GLE1: variants seen among roughly 807,000 people sequenced by gnomAD.
The protein encoded by GLE1 is mRNA export factor GLE1.
Under a neutral mutation model 97.3 loss-of-function variants are expected in GLE1, and 78 were observed. The ratio of observed to expected loss-of-function variants is 0.80; its 90% CI spans 0.67 to 0.97. The LOEUF is 0.97. Ranked by LOEUF, GLE1 falls within the 50% of genes least tolerant of loss-of-function variation. The pLI is 0.00. For synonymous variants in GLE1, 302 were observed against 313.4 expected (o/e 0.96, Z 0.39); for missense variants, 753 against 857.5 (o/e 0.88, Z 1.52).
chr9:128,540,735 A>G, intron 15 of GLE1: 1 of 361,214 alleles, frequency 2.8e-6, no homozygotes, highest in Non-Finnish European at 5.1e-6. Flanking sequence ...TCCAAGTGCC[A>G]AGAGATTGTA....
chr9:128,518,542 C>CA (rs1266878048), intron 3 of GLE1, among the ~76,000 whole-genome samples: 8 of 151,940 alleles, frequency 5.3e-5, no homozygotes, highest in Admixed American at 1.3e-4. Context: ...GCCTGGGTGA[C>CA]AGAGTTGAGA....
chr9:128,536,286 G>T, intron 11 of GLE1, 69 bp from the exon 12 acceptor site: 2 of 1,262,118 alleles, frequency 1.6e-6, no homozygotes, highest in South Asian at 1.2e-5. Flanking sequence ...TGCCCACCTT[G>T]GCCTCCCAAA....
rs188283373 is a variant in GLE1, at chr9:128,527,068, G to T, written c.1130-111G>T. On this transcript the variant is annotated intron_variant, in intron 7 of 15. Coordinates refer to ENST00000309971, the MANE Select transcript of GLE1 (RefSeq NM_001003722.2). ...TAATAGTATCTATTTCATAGTTATG[G>T]TGACAGTTAAAGCAGTCAGTACATA... is the stretch of plus-strand genomic sequence containing the variant. The T allele has an allele frequency of 2.4e-4, 175 of 716,290 alleles. No homozygotes were observed. In the African/African-American group the frequency reaches 2.8e-3, roughly 11 times the overall value. 44.4% of individuals were successfully genotyped at this position (716,290 alleles called of 1,614,324 possible). A position where few individuals can be genotyped will look rare whatever the true frequency, so the allele number is the denominator to read the frequency against.
At chr9:128,513,718 AAAAAG>A (rs1215756182) in intron 2 of GLE1, among the ~76,000 whole-genome samples, 2 of 151,650 alleles carry the variant, frequency 1.3e-5, no homozygotes, top group Admixed American at 6.6e-5. Flanking sequence ...CAAAAAAAAA[AAAAAG>A]AAAAGAAAAA....
intron 11 of GLE1, among the ~76,000 whole-genome samples, chr9:128,535,515 T>A (rs1393566041): frequency 2.1e-5 from 2 of 94,068 alleles, no homozygotes; most frequent in East Asian, 3.2e-4. Flanking sequence ...AGAGTGAAAC[T>A]CTGTCTCAAA....
At chr9:128,512,782 CTT>C (rs966126550) in intron 2 of GLE1, among the ~76,000 whole-genome samples, 10 of 151,996 alleles carry the variant, frequency 6.6e-5, no homozygotes, top group African/African-American at 2.4e-4. Context: ...GCCTCAGCCT[CTT>C]GAGTAGCTGG....
intron 3 of GLE1, 121 bp downstream of exon 3, chr9:128,515,760 G>A (rs79516521): frequency 0.014 from 10,051 of 705,788 alleles, 293 homozygotes; most frequent in East Asian, 0.087. Flanking sequence ...GTTTAGTTTT[G>A]GGGGTAGTGT....
chr9:128,507,541 G>T (rs188929991), intron 1 of GLE1, among the ~76,000 whole-genome samples: 1 of 148,590 alleles, frequency 6.7e-6, no homozygotes, highest in Non-Finnish European at 1.5e-5. Flanking sequence ...CCGTGATCAC[G>T]CCACTGCACT....
chr9:128,525,286 G>C lies in GLE1; in HGVS notation c.992G>C (p.Arg331Thr), dbSNP rs1219786760. ...ATGAACTTGGGGCAGGAGATCACCA[G>C]AGCCTGCGAAGACAAGAGGAGGCAG... ...LLMNLGQEIT[R>T]ACEDKRRQDE... The change falls in exon 7 of 16, where the codon AGA becomes ACA. Residue 331 changes from arginine (R) to threonine (T), a missense_variant. Transcript: ENST00000309971. 6.2e-6 allele frequency: 10 copies of C among 1,613,926 alleles called. No homozygotes were observed. Among genetic ancestry groups the C allele is most frequent in the Non-Finnish European group, 8.5e-6 (10 of 1,179,944 alleles).
intron 12 of GLE1, 34 bp downstream of exon 12, chr9:128,536,518 G>C (rs757445668): frequency 6.9e-6 from 11 of 1,586,412 alleles, no homozygotes; most frequent in Non-Finnish European, 9.5e-6. Flanking sequence ...AATAATGAGA[G>C]GTTAGACCAC....
In GLE1 at chr9:128,508,562, T is replaced by G. The variant is rs138401697; in HGVS notation, c.100-314T>G. On this transcript the variant is annotated intron_variant, in intron 1 of 15. Coordinates refer to ENST00000309971, the MANE Select transcript of GLE1 (RefSeq NM_001003722.2). ...GACATTCTACTGATTGTGTATACAGTAGCTTACTTCAGAATTCCTCGTGTT... is the reference window on the plus strand; with the variant it reads ...GACATTCTACTGATTGTGTATACAGGAGCTTACTTCAGAATTCCTCGTGTT... Among the ~76,000 whole-genome samples the G allele has an allele frequency of 4.6e-5, 7 of 152,352 alleles. No homozygotes were observed. In the East Asian group the frequency reaches 1.3e-3, roughly 29 times the overall value.
chr9:128,538,293 A>G (rs1273151170), intron 13 of GLE1, among the ~76,000 whole-genome samples: 4 of 152,126 alleles, frequency 2.6e-5, no homozygotes, highest in Non-Finnish European at 5.9e-5. Context: ...GCTTCTCTGG[A>G]TTTTTTTCAT....
chr9:128,533,919 CAAG>C lies in GLE1; in HGVS notation c.1615_1617del (p.Lys539del). On this transcript the variant is annotated inframe_deletion, in exon 11 of 16. Coordinates refer to ENST00000309971, the MANE Select transcript of GLE1 (RefSeq NM_001003722.2). ...ACTCTGTTCCTTTCTATCCCACTTT[CAAG>C]GAGGGAATGGCTTTGGAAGACTATC... 1.2e-6 allele frequency: 2 copies of C among 1,612,888 alleles called. No homozygotes were observed. The highest frequency in any genetic ancestry group is 8.5e-7 in the Non-Finnish European group (1 of 1,178,926).
chr9:128,523,153 C>G, intron 4 of GLE1, 127 bp from the exon 5 acceptor site: 2 of 801,170 alleles, frequency 2.5e-6, no homozygotes, highest in South Asian at 2.8e-5. Flanking sequence ...GGCAACATAA[C>G]GAGACCCCAT....
chr9:128,512,887 G>T (rs1564143998), intron 2 of GLE1, among the ~76,000 whole-genome samples: 1 of 152,160 alleles, frequency 6.6e-6, no homozygotes, highest in Non-Finnish European at 1.5e-5. Flanking sequence ...GACCTCAGGT[G>T]ATCCACCCGC....
Position 128,518,142 on chromosome 9 carries a change from C to CA in GLE1, c.432+2504dup, listed in dbSNP as rs1847038296. On this transcript the variant is annotated intron_variant, in intron 3 of 15. Transcript: ENST00000309971. ...TTTATTCATTTTCTTAAAAAAAACT[C>CA]ACGTGCCTGGCCTATTTTTTTTTTT... is the stretch of plus-strand genomic sequence containing the variant. Among the ~76,000 whole-genome samples, 3 of 151,370 alleles carry CA rather than the reference C, an allele frequency of 2.0e-5. No individual in the cohort carries two copies. In the South Asian group the frequency reaches 6.3e-4, roughly 32 times the overall value.
chr9:128,516,909 A>G (rs1847005436), intron 3 of GLE1, among the ~76,000 whole-genome samples: 1 of 152,088 alleles, frequency 6.6e-6, no homozygotes, highest in African/African-American at 2.4e-5. Context: ...TACAGGCATA[A>G]GCCACTGCGC....
intron 11 of GLE1, among the ~76,000 whole-genome samples, chr9:128,535,688 G>A (rs566364748): frequency 1.1e-3 from 160 of 152,172 alleles, no homozygotes; most frequent in Admixed American, 2.8e-3. Flanking sequence ...CAGGTGTGGT[G>A]GCAGGTGCCT....
At chr9:128,522,968 C>T in intron 4 of GLE1, 152 bp downstream of exon 4, 1 of 994,974 alleles carries the variant, frequency 1.0e-6, no homozygotes, top group Non-Finnish European at 1.5e-6. Context: ...GGAAAAAAGA[C>T]CAAACTTGGA....
Sources: allele counts gnomAD v4.1 joint callset (sites outside exome capture counted in the v4.1 genomes callset), GRCh38; gene constraint gnomAD v4.1.1; transcripts MANE v1.5; gene names NCBI Gene and HGNC (gene_info 2026-07-23, HGNC 2026-07-21).